The following PIP5K1B variants were observed in gnomAD, a reference collection of about 807,000 sequenced individuals.
PIP5K1B encodes phosphatidylinositol 4-phosphate 5-kinase type-1 beta.
PIP5K1B carries 42 observed loss-of-function variants against 67.0 expected under a neutral mutation model. The observed-to-expected ratio is 0.63, with a 90% CI of 0.49 to 0.81. PIP5K1B has a LOEUF of 0.81. PIP5K1B is among the 30% of genes least tolerant of loss of function. The pLI, the probability that PIP5K1B is intolerant of heterozygous loss-of-function variation, is 0.00. For missense variants in PIP5K1B, 459 were observed against 646.3 expected (o/e 0.71, Z 3.14); for synonymous variants, 214 against 231.4 (o/e 0.92, Z 0.68).
At chr9:68,875,623 G>A (rs1286976256) in intron 5 of PIP5K1B, among the ~76,000 whole-genome samples, 2 of 152,126 alleles carry the variant, frequency 1.3e-5, no homozygotes, top group East Asian at 3.8e-4. Context: ...TTTATTCTGT[G>A]CTGAAAGCCT....
intron 14 of PIP5K1B, among the ~76,000 whole-genome samples, chr9:68,942,549 G>A (rs1476689899): frequency 6.6e-6 from 1 of 152,042 alleles, no homozygotes; most frequent in African/African-American, 2.4e-5. Context: ...TTTTCCCGGG[G>A]CCTGGCAGGG....
chr9:68,867,189 T>TC (rs1490591634), intron 5 of PIP5K1B, among the ~76,000 whole-genome samples: 2 of 152,192 alleles, frequency 1.3e-5, no homozygotes, highest in African/African-American at 2.4e-5. Context: ...TGATGCATTT[T>TC]TTTTTTCTTG....
chr9:68,916,786 C>A (rs1225514839), intron 8 of PIP5K1B, among the ~76,000 whole-genome samples: 2 of 151,806 alleles, frequency 1.3e-5, no homozygotes, highest in Non-Finnish European at 2.9e-5. Flanking sequence ...GCAGTAGAAT[C>A]GTTTGAACCC....
At chr9:68,823,284 C>T (rs187169504) in intron 4 of PIP5K1B, among the ~76,000 whole-genome samples, 13 of 152,204 alleles carry the variant, frequency 8.5e-5, no homozygotes, top group African/African-American at 2.9e-4. Flanking sequence ...GGTCAATTCA[C>T]CATAATATAG....
intron 4 of PIP5K1B, among the ~76,000 whole-genome samples, chr9:68,825,743 G>A (rs1471245698): frequency 6.6e-6 from 1 of 152,144 alleles, no homozygotes; most frequent in Non-Finnish European, 1.5e-5. Context: ...AGTGGGAGAG[G>A]CAAGACATGA....
intron 7 of PIP5K1B, among the ~76,000 whole-genome samples, chr9:68,890,719 G>A (rs1824741524): frequency 6.7e-6 from 1 of 148,890 alleles, no homozygotes. Context: ...ACTAACTATA[G>A]TTTCTTTCCC....
intron 8 of PIP5K1B, among the ~76,000 whole-genome samples, chr9:68,906,843 G>A (rs995995730): frequency 1.3e-5 from 2 of 152,184 alleles, no homozygotes; most frequent in African/African-American, 2.4e-5. Context: ...CTCTTCAAAT[G>A]ATGACGGGAG....
intron 15 of PIP5K1B, among the ~76,000 whole-genome samples, chr9:68,994,408 ATAT>A (rs1210817681): frequency 5.9e-5 from 9 of 152,258 alleles, no homozygotes; most frequent in African/African-American, 1.4e-4. Context: ...GTTTTTATGA[ATAT>A]TATTATATTT....
intron 5 of PIP5K1B, among the ~76,000 whole-genome samples, chr9:68,865,377 G>A (rs1417619491): frequency 6.6e-6 from 1 of 151,876 alleles, no homozygotes; most frequent in African/African-American, 2.4e-5. Context: ...TCATCTTTTG[G>A]TATGATTTTT....
chr9:68,980,867 C>G (rs63565460), intron 14 of PIP5K1B, among the ~76,000 whole-genome samples: 4,292 of 151,272 alleles, frequency 0.028, 70 homozygotes, highest in Middle Eastern at 0.044. Flanking sequence ...ACTTAGGGGG[C>G]AAAAAAAAGA....
intron 1 of PIP5K1B, among the ~76,000 whole-genome samples, chr9:68,724,583 T>G (rs1828063213): frequency 6.6e-6 from 1 of 152,132 alleles, no homozygotes; most frequent in African/African-American, 2.4e-5. Context: ...TCTTTTCATT[T>G]TTTGTGTCCT....
At chr9:68,987,003 A>T (rs1265436904) in intron 14 of PIP5K1B, among the ~76,000 whole-genome samples, 1 of 152,242 alleles carries the variant, frequency 6.6e-6, no homozygotes, top group Non-Finnish European at 1.5e-5. Flanking sequence ...CTGTAATTGC[A>T]GCACTTTGGG....
intron 4 of PIP5K1B, among the ~76,000 whole-genome samples, chr9:68,837,319 C>T (rs989761634): frequency 4.6e-5 from 7 of 152,184 alleles, no homozygotes; most frequent in Admixed American, 4.6e-4. Flanking sequence ...GACGTCCCCC[C>T]GCTAATTAGG....
intron 15 of PIP5K1B, among the ~76,000 whole-genome samples, chr9:68,991,980 G>GT (rs957199966): frequency 6.6e-6 from 1 of 151,862 alleles, no homozygotes; most frequent in Non-Finnish European, 1.5e-5. Flanking sequence ...TTTTTTTTGG[G>GT]GGGGGGCAGA....
chr9:68,870,973 C>A (rs1172083806), intron 5 of PIP5K1B, among the ~76,000 whole-genome samples: 1 of 152,196 alleles, frequency 6.6e-6, no homozygotes, highest in Non-Finnish European at 1.5e-5. Context: ...CAAAACTGGT[C>A]CCCTTGTGTT....
rs137936785 is a variant in PIP5K1B at position 68,840,069 on chromosome 9, A to G, written c.69+17386A>G. 3.1e-3 allele frequency among the ~76,000 whole-genome samples: 472 copies of G among 152,292 alleles called. 1 individual carries two copies. Among genetic ancestry groups the G allele is most frequent in the African/African-American group, 0.01 (434 of 41,550 alleles). Reference sequence around the variant, plus strand: ...TGTTCGGGTGCCTCAAGTAAACAGGACCTAAAAGTATTGAAAGTATTTCAC... The same window carrying G: ...TGTTCGGGTGCCTCAAGTAAACAGGGCCTAAAAGTATTGAAAGTATTTCAC... On this transcript the variant is annotated intron_variant, in intron 4 of 15. Transcript: ENST00000265382.
At chr9:68,745,543 C>A (rs973894845) in intron 2 of PIP5K1B, among the ~76,000 whole-genome samples, 25 of 152,160 alleles carry the variant, frequency 1.6e-4, no homozygotes, top group South Asian at 2.1e-4. Flanking sequence ...CTTGGAGATG[C>A]ACATGACACA....
intron 6 of PIP5K1B, among the ~76,000 whole-genome samples, chr9:68,877,501 A>G (rs1823957115): frequency 6.6e-6 from 1 of 152,224 alleles, no homozygotes; most frequent in Non-Finnish European, 1.5e-5. Flanking sequence ...GGGGCTCCTC[A>G]GAATTGGTTT....
Position 68,887,015 on chromosome 9 carries a change from C to T in PIP5K1B, c.319-1966C>T, listed in dbSNP as rs888568163. Among the ~76,000 whole-genome samples, 5 of 152,326 alleles carry T rather than the reference C, an allele frequency of 3.3e-5. No individual in the cohort carries two copies. In the South Asian group the frequency reaches 8.3e-4, roughly 25 times the overall value. ...TTTTCTCTTCCCTCTGCCTGAAGTG[C>T]CCGTTCCCCAGATAGCCATGTGGCT... On this transcript the variant is annotated intron_variant, in intron 6 of 15. Coordinates refer to ENST00000265382, the MANE Select transcript of PIP5K1B (RefSeq NM_003558.4).
Sources: allele counts gnomAD v4.1 joint callset (sites outside exome capture counted in the v4.1 genomes callset), GRCh38; gene constraint gnomAD v4.1.1; transcripts MANE v1.5; gene names NCBI Gene and HGNC (gene_info 2026-07-23, HGNC 2026-07-21).